The following ARHGAP44 variants were observed in gnomAD, a reference collection of about 807,000 sequenced individuals.
ARHGAP44 encodes Rho GTPase activating protein 44.
ARHGAP44 carries 43 observed loss-of-function variants against 106.8 expected under a neutral mutation model. The ratio of observed to expected loss-of-function variants is 0.40; its 90% CI spans 0.32 to 0.52. The LOEUF (loss-of-function observed/expected upper bound fraction) is 0.52, where lower values mean the gene tolerates loss of function less well. Ranked by LOEUF, ARHGAP44 falls within the 20% of genes least tolerant of loss-of-function variation. The pLI is 0.48. For synonymous variants in ARHGAP44, 439 were observed against 410.3 expected, an observed-to-expected ratio of 1.07 and a Z score of -0.85; for missense variants, 866 against 1,050.5, an observed-to-expected ratio of 0.82 and a Z score of 2.43.
rs368062250 is a variant in ARHGAP44, at chr17:12,967,179, A to G, written c.1524-6123A>G. ...TAAGGTCTCCATCCAGGGTGTGTCA[A>G]TGCCTGGACACTGGCCAGGGTTAAA... On this transcript the variant is annotated intron_variant, in intron 16 of 20. Transcript: ENST00000379672. Among the ~76,000 whole-genome samples, 11 of 147,692 alleles carry G rather than the reference A, an allele frequency of 7.4e-5. No homozygotes were observed. The South Asian group carries it at 1.7e-3, about 23-fold the overall frequency.
chr17:12,845,568 A>G (rs554019473), intron 1 of ARHGAP44, among the ~76,000 whole-genome samples: 1 of 152,158 alleles, frequency 6.6e-6, no homozygotes, highest in Non-Finnish European at 1.5e-5. Flanking sequence ...ACCCATAAAG[A>G]CAAGGACCTT....
intron 19 of ARHGAP44, among the ~76,000 whole-genome samples, chr17:12,981,966 G>C (rs115905613): frequency 0.011 from 1,746 of 152,178 alleles, 35 homozygotes; most frequent in African/African-American, 0.04. Context: ...AGCCAAGATC[G>C]TGCCACTGCC....
rs572802924 is a variant in ARHGAP44 at position 12,869,292 on chromosome 17, G to A, written c.54-25648G>A. 1.8e-4 allele frequency among the ~76,000 whole-genome samples: 27 copies of A among 152,214 alleles called. 1 individual carries two copies. The South Asian group carries it at 5.4e-3, about 30-fold the overall frequency. On this transcript the variant is annotated intron_variant, in intron 1 of 20. Transcript: ENST00000379672. ...GGAGAGAATCTAAAACATATACTGT[G>A]TTTTCATAACTCCTCTTACAAATGT...
At chr17:12,891,238 C>T (rs1195442918) in intron 1 of ARHGAP44, among the ~76,000 whole-genome samples, 1 of 152,142 alleles carries the variant, frequency 6.6e-6, no homozygotes, top group African/African-American at 2.4e-5. Context: ...AAGCTGCTTC[C>T]ACAATTGTAG....
chr17:12,820,687 T>A (rs2034743190), intron 1 of ARHGAP44, among the ~76,000 whole-genome samples: 1 of 152,158 alleles, frequency 6.6e-6, no homozygotes, highest in African/African-American at 2.4e-5. Flanking sequence ...GTGTGTTGAA[T>A]CATGTGATTG....
chr17:12,917,079 A>C (rs1161766040), intron 5 of ARHGAP44, among the ~76,000 whole-genome samples: 1 of 152,218 alleles, frequency 6.6e-6, no homozygotes, highest in South Asian at 2.1e-4. Context: ...TCTGGTCCCA[A>C]GCATTTCAGA....
At chr17:12,971,095 C>T (rs1011626548) in intron 16 of ARHGAP44, among the ~76,000 whole-genome samples, 6 of 152,174 alleles carry the variant, frequency 3.9e-5, no homozygotes, top group African/African-American at 1.4e-4. Context: ...CTGGGAAAGT[C>T]GTGATTGCAT....
Position 12,984,511 on chromosome 17 carries a change from T to G in ARHGAP44, c.1940-20T>G, listed in dbSNP as rs1221452018. The G allele has an allele frequency of 1.3e-6, 2 of 1,507,738 alleles. No individual in the cohort carries two copies. The highest frequency in any genetic ancestry group is 1.3e-5 in the South Asian group (1 of 75,350). The allele number at this position is 1,507,738 out of a possible 1,614,324, so 93.4% of individuals were successfully genotyped here. ...TCAACAACTTTGTGTTTTGTTGTTGTGTTGTGTTTTCTCTTTCAGTTTCAA... is the reference window on the plus strand; with the variant it reads ...TCAACAACTTTGTGTTTTGTTGTTGGGTTGTGTTTTCTCTTTCAGTTTCAA... On this transcript the variant is annotated intron_variant, in intron 19 of 20. Transcript: ENST00000379672.
chr17:12,967,200 T>G (rs1251698235), intron 16 of ARHGAP44, among the ~76,000 whole-genome samples: 8 of 149,924 alleles, frequency 5.3e-5, no homozygotes, highest in Non-Finnish European at 1.2e-4. Context: ...CTGGCCAGGG[T>G]TAAACTTCGG....
At chr17:12,907,161 G>A (rs557696248) in intron 3 of ARHGAP44, among the ~76,000 whole-genome samples, 25 of 152,218 alleles carry the variant, frequency 1.6e-4, no homozygotes, top group Middle Eastern at 3.4e-3. Flanking sequence ...CTTTCTTTTT[G>A]AAGAACTACC....
At chr17:12,904,881 CCT>C (rs1438860780) in intron 3 of ARHGAP44, among the ~76,000 whole-genome samples, 1 of 151,870 alleles carries the variant, frequency 6.6e-6, no homozygotes, top group African/African-American at 2.4e-5. Flanking sequence ...TACTATAAAT[CCT>C]CTAGCATCTT....
At chr17:12,951,375 G>T (rs554360951) in intron 12 of ARHGAP44, among the ~76,000 whole-genome samples, 1 of 152,298 alleles carries the variant, frequency 6.6e-6, no homozygotes, top group East Asian at 1.9e-4. Context: ...AATCCAAGGA[G>T]TCCGGTTTCA....
chr17:12,894,431 G>A (rs906141208), intron 1 of ARHGAP44, among the ~76,000 whole-genome samples: 1 of 152,124 alleles, frequency 6.6e-6, no homozygotes, highest in Admixed American at 6.5e-5. Context: ...CAGCATCCAG[G>A]TTCTTTCTCT....
At chr17:12,941,202 T>C (rs62058116) in intron 8 of ARHGAP44, 78 bp downstream of exon 8, 3 of 1,325,528 alleles carry the variant, frequency 2.3e-6, no homozygotes, top group Non-Finnish European at 3.2e-6. Context: ...TAAGAGTCCC[T>C]TAATTGATCA....
chr17:12,850,686 T>A (rs1474528414), intron 1 of ARHGAP44, among the ~76,000 whole-genome samples: 1 of 152,060 alleles, frequency 6.6e-6, no homozygotes, highest in Non-Finnish European at 1.5e-5. Flanking sequence ...CCACCTGGAG[T>A]CACCAGGATT....
intron 1 of ARHGAP44, among the ~76,000 whole-genome samples, chr17:12,878,999 A>G (rs1206449200): frequency 2.0e-5 from 3 of 152,126 alleles, no homozygotes; most frequent in East Asian, 1.9e-4. Flanking sequence ...TTTTATTTCA[A>G]TAGGTTTTTG....
chr17:12,875,442 A>C (rs1414983135), intron 1 of ARHGAP44, among the ~76,000 whole-genome samples: 1 of 151,904 alleles, frequency 6.6e-6, no homozygotes, highest in Non-Finnish European at 1.5e-5. Context: ...AAAAGTTTTA[A>C]AAATTGCCAG....
intron 20 of ARHGAP44, chr17:12,987,428 C>A: frequency 2.6e-6 from 1 of 379,502 alleles, no homozygotes; most frequent in Non-Finnish European, 4.8e-6. Flanking sequence ...GGAATCACAT[C>A]TGCAGCTCCT....
chr17:12,850,828 G>C (rs75275218), intron 1 of ARHGAP44, among the ~76,000 whole-genome samples: 1 of 152,320 alleles, frequency 6.6e-6, no homozygotes, highest in Non-Finnish European at 1.5e-5. Context: ...CAGGTGCTCA[G>C]TAAGTATTTG....
Sources: gnomAD v4.1 joint callset for allele counts (sites outside exome capture counted in the v4.1 genomes callset) on GRCh38, gnomAD v4.1.1 for gene constraint, MANE v1.5 for transcripts, NCBI Gene and HGNC (gene_info 2026-07-23, HGNC 2026-07-21) for gene names.